The following RABGAP1L variants were observed in gnomAD, a reference collection of about 807,000 sequenced individuals.
RABGAP1L encodes RAB GTPase activating protein 1 like, also known as rab GTPase-activating protein 1-like.
In RABGAP1L, 63 loss-of-function variants were observed where a neutral mutation model predicts 137.7. The ratio of observed to expected loss-of-function variants is 0.46; its 90% confidence interval spans 0.37 to 0.56. The LOEUF (loss-of-function observed/expected upper bound fraction) is 0.56. Among genes scored for constraint, RABGAP1L ranks in the 20% least tolerant of loss-of-function variants. RABGAP1L has a pLI of 0.00. For missense variants in RABGAP1L, 1,095 were observed against 1,244.0 expected, an observed-to-expected ratio of 0.88 and a Z score of 1.80; for synonymous variants, 431 against 433.7, an observed-to-expected ratio of 0.99 and a Z score of 0.08.
At chr1:174,344,560 C>G (rs1682275620) in intron 11 of RABGAP1L, among the ~76,000 whole-genome samples, 1 of 152,156 alleles carries the variant, frequency 6.6e-6, no homozygotes, top group African/African-American at 2.4e-5. Context: ...GATAGTGATA[C>G]AGCTGCATAT....
At chr1:174,221,966 G>C (rs1669787047) in intron 3 of RABGAP1L, among the ~76,000 whole-genome samples, 1 of 151,794 alleles carries the variant, frequency 6.6e-6, no homozygotes, top group Non-Finnish European at 1.5e-5. Context: ...CTTCTGAGTA[G>C]CTGGGTGTGT....
At chr1:174,704,102 A>G (rs2148530906) in intron 17 of RABGAP1L, among the ~76,000 whole-genome samples, 1 of 152,286 alleles carries the variant, frequency 6.6e-6, no homozygotes, top group Admixed American at 6.5e-5. Context: ...GGTTCAAGCA[A>G]TTCTCCTGCC....
intron 21 of RABGAP1L, among the ~76,000 whole-genome samples, chr1:174,975,547 G>A (rs1406632041): frequency 6.6e-6 from 1 of 152,126 alleles, no homozygotes; most frequent in Non-Finnish European, 1.5e-5. Flanking sequence ...CATGTGGGCA[G>A]GTTTACCTCA....
chr1:174,669,444 T>C (rs1677026891), intron 14 of RABGAP1L, among the ~76,000 whole-genome samples: 1 of 152,202 alleles, frequency 6.6e-6, no homozygotes, highest in South Asian at 2.1e-4. Flanking sequence ...GTCTCTTCAC[T>C]CTGTTGGTTG....
chr1:174,650,564 A>C (rs1483490200), intron 14 of RABGAP1L, among the ~76,000 whole-genome samples: 2 of 152,014 alleles, frequency 1.3e-5, no homozygotes, highest in Non-Finnish European at 2.9e-5. Context: ...TAGTCTTGGG[A>C]GGGTGTACGT....
chr1:174,275,040 CT>C (rs1674865220), intron 8 of RABGAP1L: 1 of 152,158 alleles, frequency 6.6e-6, no homozygotes, highest in Non-Finnish European at 1.5e-5. Flanking sequence ...AACTCTACCC[CT>C]CCTCTCTCCA....
intron 5 of RABGAP1L, among the ~76,000 whole-genome samples, chr1:174,246,849 G>A (rs1393981930): frequency 6.6e-6 from 1 of 152,104 alleles, no homozygotes; most frequent in Non-Finnish European, 1.5e-5. Context: ...AGTTTATCTT[G>A]TTAATTCTTG....
intron 14 of RABGAP1L, among the ~76,000 whole-genome samples, chr1:174,651,790 A>G (rs922766978): frequency 6.6e-5 from 10 of 152,124 alleles, no homozygotes; most frequent in African/African-American, 2.2e-4. Context: ...TCTTTATCCA[A>G]TTTGCAAGTC....
intron 13 of RABGAP1L, among the ~76,000 whole-genome samples, chr1:174,535,768 C>T (rs1664841299): frequency 6.6e-6 from 1 of 152,140 alleles, no homozygotes; most frequent in Admixed American, 6.5e-5. Flanking sequence ...AATGCACTGA[C>T]AACAGGCTAT....
Position 174,987,323 on chromosome 1 carries a change from T to C in RABGAP1L, c.2806-1318T>C, listed in dbSNP as rs368269383. Among the ~76,000 whole-genome samples the C allele has an allele frequency of 3.2e-3, 489 of 152,258 alleles. 4 individuals are homozygous for C. The highest frequency in any genetic ancestry group is 0.011 in the African/African-American group (471 of 41,548). Reference sequence around the variant, plus strand: ...CTGGGACTATAGGTGCCCGCCACCATGCCCAGCTAATTTTTGTATTTTTAC... The same window carrying C: ...CTGGGACTATAGGTGCCCGCCACCACGCCCAGCTAATTTTTGTATTTTTAC... On this transcript the variant is annotated intron_variant, in intron 24 of 25. Coordinates refer to ENST00000681986, the MANE Select transcript of RABGAP1L (RefSeq NM_001366446.1).
Position 174,410,644 on chromosome 1 carries a change from C to G in RABGAP1L, c.1710+16499C>G, listed in dbSNP as rs141863838. Reference sequence around the variant, plus strand: ...TATCATGCTGTTTTGGTTACTGTAGCCTTATATATAGTATGAATTCAGGTA... The same window carrying G: ...TATCATGCTGTTTTGGTTACTGTAGGCTTATATATAGTATGAATTCAGGTA... On this transcript the variant is annotated intron_variant, in intron 13 of 25. Transcript: ENST00000681986. Among the ~76,000 whole-genome samples the G allele has an allele frequency of 1.2e-3, 176 of 152,128 alleles. 1 individual carries two copies. Among genetic ancestry groups the G allele is most frequent in the African/African-American group, 4.1e-3 (172 of 41,504 alleles).
At chr1:174,776,590 C>T (rs911421198) in intron 18 of RABGAP1L, among the ~76,000 whole-genome samples, 5 of 152,126 alleles carry the variant, frequency 3.3e-5, no homozygotes, top group Admixed American at 1.3e-4. Flanking sequence ...TTTTTGCTTG[C>T]ATTCAGTTCC....
At chr1:174,223,337 G>A (rs1219649327) in intron 3 of RABGAP1L, among the ~76,000 whole-genome samples, 1 of 145,052 alleles carries the variant, frequency 6.9e-6, no homozygotes, top group Non-Finnish European at 1.5e-5. Context: ...CAGCTGCTCA[G>A]GAGGCTGAGA....
intron 12 of RABGAP1L, among the ~76,000 whole-genome samples, chr1:174,375,643 C>T (rs1292049161): frequency 1.3e-5 from 2 of 151,986 alleles, no homozygotes; most frequent in Non-Finnish European, 2.9e-5. Context: ...TCATAAATTG[C>T]CAAAGCTTAC....
chr1:174,620,372 A>C (rs1672332391), intron 13 of RABGAP1L, among the ~76,000 whole-genome samples: 1 of 152,216 alleles, frequency 6.6e-6, no homozygotes, highest in Admixed American at 6.5e-5. Context: ...ATAATTGACC[A>C]CATAGTTGGA....
At chr1:174,584,715 T>C (rs1668988709) in intron 13 of RABGAP1L, among the ~76,000 whole-genome samples, 1 of 152,218 alleles carries the variant, frequency 6.6e-6, no homozygotes, top group Non-Finnish European at 1.5e-5. Flanking sequence ...CATTTTTCTC[T>C]GTAATGTTTA....
At chr1:174,844,000 G>A (rs1188248654) in intron 19 of RABGAP1L, among the ~76,000 whole-genome samples, 4 of 144,534 alleles carry the variant, frequency 2.8e-5, no homozygotes, top group African/African-American at 5.1e-5. Flanking sequence ...ATTTTTTCAT[G>A]TGTTTTTTGG....
intron 19 of RABGAP1L, among the ~76,000 whole-genome samples, chr1:174,863,250 A>G (rs1158741475): frequency 6.6e-6 from 1 of 151,162 alleles, no homozygotes. Flanking sequence ...AAAAAAAAAG[A>G]AAAACAGTAT....
chr1:174,542,913 T>G (rs1370849061), intron 13 of RABGAP1L, among the ~76,000 whole-genome samples: 3 of 152,198 alleles, frequency 2.0e-5, no homozygotes, highest in African/African-American at 7.2e-5. Context: ...TTTGAGTGAG[T>G]TTCTTAATCC....
Sources: allele counts gnomAD v4.1 joint callset (sites outside exome capture counted in the v4.1 genomes callset), GRCh38; gene constraint gnomAD v4.1.1; transcripts MANE v1.5; gene names NCBI Gene and HGNC (gene_info 2026-07-23, HGNC 2026-07-21).